SNX29: variants seen among roughly 807,000 people sequenced by gnomAD.
The protein encoded by SNX29 is sorting nexin 29.
A neutral mutation model predicts 102.1 loss-of-function variants in SNX29; 78 were observed. The observed-to-expected ratio is 0.76, with a 90% CI of 0.64 to 0.92. The LOEUF is 0.92. Among genes scored for constraint, SNX29 ranks in the 40% least tolerant of loss-of-function variants. The pLI is 0.00. For missense variants in SNX29, 1,280 were observed against 1,061.7 expected (o/e 1.21, Z -2.86); for synonymous variants, 580 against 414.5 (o/e 1.40, Z -4.85).
chr16:12,486,748 T>A (rs2088260182), intron 19 of SNX29, among the ~76,000 whole-genome samples: 1 of 152,012 alleles, frequency 6.6e-6, no homozygotes, highest in Admixed American at 6.5e-5. Flanking sequence ...AGGGGGCGGG[T>A]GAGGAGGGGC....
chr16:12,327,116 C>T (rs887900294), intron 15 of SNX29, among the ~76,000 whole-genome samples: 8 of 152,306 alleles, frequency 5.3e-5, no homozygotes, highest in Non-Finnish European at 1.2e-4. Flanking sequence ...TGGACAACCT[C>T]TGTCTTCCCC....
chr16:12,454,880 G>T (rs2086468517), intron 18 of SNX29, among the ~76,000 whole-genome samples: 1 of 151,968 alleles, frequency 6.6e-6, no homozygotes, highest in Non-Finnish European at 1.5e-5. Flanking sequence ...CGAGTAACTG[G>T]GACTATAGGC....
At chr16:12,071,602 G>A (rs1028841956) in intron 10 of SNX29, among the ~76,000 whole-genome samples, 9 of 152,276 alleles carry the variant, frequency 5.9e-5, no homozygotes, top group South Asian at 4.1e-4. Context: ...GTCCGGTAGC[G>A]TGATGCCTCC....
chr16:12,423,703 T>C (rs558772419), intron 18 of SNX29, among the ~76,000 whole-genome samples: 1 of 152,264 alleles, frequency 6.6e-6, no homozygotes, highest in South Asian at 2.1e-4. Context: ...CCCGAATAGC[T>C]GGGGTTACAG....
At chr16:12,245,014 C>T (rs1338382796) in intron 14 of SNX29, among the ~76,000 whole-genome samples, 3 of 152,118 alleles carry the variant, frequency 2.0e-5, no homozygotes, top group Non-Finnish European at 2.9e-5. Context: ...GTGGTAGCAT[C>T]GCTTTAAAAA....
chr16:12,314,819 G>A (rs1214772517), intron 15 of SNX29, among the ~76,000 whole-genome samples: 3 of 152,218 alleles, frequency 2.0e-5, no homozygotes, highest in Non-Finnish European at 4.4e-5. Context: ...AAGAATAAAA[G>A]CCATCATGTC....
At chr16:12,100,478 G>A (rs1178748642) in intron 11 of SNX29, among the ~76,000 whole-genome samples, 2 of 152,124 alleles carry the variant, frequency 1.3e-5, no homozygotes, top group African/African-American at 2.4e-5. Flanking sequence ...GTGGGGCTCT[G>A]TCCTCTACGG....
At chr16:12,316,320 G>A (rs1053139247) in intron 15 of SNX29, among the ~76,000 whole-genome samples, 27 of 152,138 alleles carry the variant, frequency 1.8e-4, no homozygotes, top group African/African-American at 6.5e-4. Flanking sequence ...CGAGGTGGGT[G>A]GATCACGAGG....
At chr16:12,346,273 A>G (rs532611150) in intron 15 of SNX29, among the ~76,000 whole-genome samples, 14 of 152,288 alleles carry the variant, frequency 9.2e-5, no homozygotes, top group African/African-American at 3.4e-4. Flanking sequence ...CTACAGGACC[A>G]GTGGTACTGG....
intron 13 of SNX29, among the ~76,000 whole-genome samples, chr16:12,184,234 C>T (rs541570838): frequency 1.2e-4 from 18 of 152,310 alleles, no homozygotes; most frequent in Non-Finnish European, 1.5e-4. Flanking sequence ...TTCATATTCA[C>T]GGTTCCCTGA....
At chr16:12,541,550 C>CT (rs142926824) in intron 20 of SNX29, among the ~76,000 whole-genome samples, 2,047 of 152,224 alleles carry the variant, frequency 0.013, 41 homozygotes, top group East Asian at 0.068. Context: ...ATCAGCCTCC[C>CT]TTTTCAAGCT....
intron 13 of SNX29, among the ~76,000 whole-genome samples, chr16:12,141,951 C>T (rs1259449123): frequency 2.6e-5 from 4 of 152,200 alleles, no homozygotes; most frequent in Non-Finnish European, 4.4e-5. Context: ...CTCATTTTAA[C>T]CAGCTCCTAT....
intron 9 of SNX29, among the ~76,000 whole-genome samples, chr16:12,068,271 G>A (rs1350350165): frequency 6.6e-6 from 1 of 151,920 alleles, no homozygotes; most frequent in Non-Finnish European, 1.5e-5. Context: ...GAGCCCAGGA[G>A]TTTGAGACCA....
At chr16:12,538,980 A>G (rs2077201919) in intron 20 of SNX29, among the ~76,000 whole-genome samples, 1 of 152,198 alleles carries the variant, frequency 6.6e-6, no homozygotes. Flanking sequence ...ATAAATAGGG[A>G]GAAGATAGAA....
At chr16:12,213,311 G>A (rs770551141) in intron 14 of SNX29, among the ~76,000 whole-genome samples, 22 of 152,032 alleles carry the variant, frequency 1.4e-4, no homozygotes, top group Admixed American at 5.2e-4. Context: ...GAAACATAAG[G>A]GACATTAGAA....
chr16:12,330,008 C>T (rs2081248527), intron 15 of SNX29, among the ~76,000 whole-genome samples: 2 of 152,218 alleles, frequency 1.3e-5, no homozygotes, highest in African/African-American at 2.4e-5. Context: ...GATGGGCACA[C>T]TCCTCAACAT....
At chr16:12,547,978 G>C (rs2077715716) in intron 20 of SNX29, among the ~76,000 whole-genome samples, 1 of 152,138 alleles carries the variant, frequency 6.6e-6, no homozygotes, top group African/African-American at 2.4e-5. Flanking sequence ...GAGACAGCAT[G>C]GCACAGGGGT....
intron 20 of SNX29, among the ~76,000 whole-genome samples, chr16:12,543,603 G>A (rs560115491): frequency 1.3e-5 from 2 of 152,164 alleles, no homozygotes; most frequent in Admixed American, 6.5e-5. Flanking sequence ...CATCCTCCCC[G>A]ATGGAGTGGG....
chr16:12,554,538 G>T (rs1024366176), intron 20 of SNX29, among the ~76,000 whole-genome samples: 1 of 152,146 alleles, frequency 6.6e-6, no homozygotes, highest in Admixed American at 6.5e-5. Flanking sequence ...TCTCGCCCAC[G>T]TTTTTGTGAA....
Sources: gnomAD v4.1 joint callset for allele counts (sites outside exome capture counted in the v4.1 genomes callset) on GRCh38, gnomAD v4.1.1 for gene constraint, MANE v1.5 for transcripts, NCBI Gene and HGNC (gene_info 2026-07-23, HGNC 2026-07-21) for gene names.